The following SPAG11A variants were observed in gnomAD, a reference collection of about 807,000 sequenced individuals.
SPAG11A encodes sperm-associated antigen 11A.
A neutral mutation model predicts 5.5 loss-of-function variants in SPAG11A; 2 were observed. The observed-to-expected ratio is 0.37, with a 90% CI of 0.15 to 1.15. SPAG11A has a LOEUF of 1.15. Ranked by LOEUF, SPAG11A falls within the 50% of genes most tolerant of loss-of-function variation. The pLI is 0.38. For synonymous variants in SPAG11A, 11 were observed against 42.7 expected, an observed-to-expected ratio of 0.26 and a Z score of 2.90; for missense variants, 24 against 122.5, an observed-to-expected ratio of 0.20 and a Z score of 3.80.
At position 7,858,601 on chromosome 8, in the gene SPAG11A, G is replaced by A. The variant is rs1332633695; in HGVS notation, c.215-2045G>A. ...TGTTTTTTTTTTCTTTCAGCATAGC[G>A]TTTGTGAGGTTCATCCACGTTGTTG... On this transcript the variant is annotated intron_variant, in intron 2 of 2. Transcript: ENST00000642566. Among the ~76,000 whole-genome samples, 4 of 89,932 alleles carry A rather than the reference G, an allele frequency of 4.4e-5. 2 individuals carry two copies. Among genetic ancestry groups the A allele is most frequent in the Non-Finnish European group, 1.1e-4 (4 of 35,740 alleles). The allele number at this position is 89,932 out of a possible 152,430, so 59.0% of individuals were successfully genotyped here. A position where few individuals can be genotyped will look rare whatever the true frequency, so the allele number is the denominator to read the frequency against.
intron 2 of SPAG11A, among the ~76,000 whole-genome samples, chr8:7,852,655 C>T (rs1817978555): frequency 6.6e-6 from 1 of 151,800 alleles, no homozygotes; most frequent in Admixed American, 6.6e-5. Flanking sequence ...TATTCTTATC[C>T]ATGTACATGT....
Position 7,858,107 on chromosome 8 carries a change from T to C in SPAG11A, c.215-2539T>C, listed in dbSNP as rs1183171576. Among the ~76,000 whole-genome samples, 213 of 91,116 alleles carry C rather than the reference T, an allele frequency of 2.3e-3. 3 individuals are homozygous for C. The highest frequency in any genetic ancestry group is 6.2e-3 in the African/African-American group (200 of 32,160). 59.8% of individuals were successfully genotyped at this position (91,116 alleles called of 152,430 possible). ...TGCTTCCATACACATGGGACACCTC[T>C]GGAAGGATTAATAAGAAGCTAACAG... On this transcript the variant is annotated intron_variant, in intron 2 of 2. Transcript: ENST00000642566.
chr8:7,860,872 C>G lies in SPAG11A; in HGVS notation c.*39C>G, dbSNP rs1585712562. The stretch of plus-strand genomic sequence containing the variant: ...GGAAGGCAGGGATGTTGAAGTATCC[C>G]AAGGGCTTAAAGGAATGTGTGGCTT... On this transcript the variant is annotated 3_prime_UTR_variant, in exon 3 of 3. Coordinates refer to ENST00000642566, the Ensembl canonical transcript of SPAG11A. 4.1e-6 allele frequency: 5 copies of G among 1,212,768 alleles called. 1 individual carries two copies. The African/African-American group carries it at 4.8e-5, about 12-fold the overall frequency. 75.1% of individuals were successfully genotyped at this position (1,212,768 alleles called of 1,614,324 possible). A position where few individuals can be genotyped will look rare whatever the true frequency, so the allele number is the denominator to read the frequency against.
chr8:7,861,635 A>G (rs1347320966), downstream of SPAG11A, among the ~76,000 whole-genome samples: 5 of 136,284 alleles, frequency 3.7e-5, no homozygotes, highest in African/African-American at 1.3e-4. Flanking sequence ...AGTAGTGAAC[A>G]CCAATTACAA....
intron 2 of SPAG11A, among the ~76,000 whole-genome samples, chr8:7,854,551 C>T (rs1280347602): frequency 1.4e-5 from 2 of 147,486 alleles, no homozygotes; most frequent in Non-Finnish European, 3.0e-5. Flanking sequence ...TTTTTCCTCT[C>T]ATTCTTTGAT....
chr8:7,852,599 C>T (rs1208747825), intron 2 of SPAG11A, among the ~76,000 whole-genome samples: 1 of 152,090 alleles, frequency 6.6e-6, no homozygotes, highest in African/African-American at 2.4e-5. Flanking sequence ...TCCCGAAGTG[C>T]TGGAATTACA....
chr8:7,863,745 G>C (rs1214577613), downstream of SPAG11A: 2 of 727,468 alleles, frequency 2.7e-6, no homozygotes, highest in East Asian at 5.5e-5. Flanking sequence ...TGAGAGACCG[G>C]AGTATGATCC....
downstream of SPAG11A, among the ~76,000 whole-genome samples, chr8:7,861,692 G>C (rs1242623902): frequency 2.3e-5 from 3 of 130,274 alleles, no homozygotes; most frequent in Non-Finnish European, 5.1e-5. Flanking sequence ...GAGAGATAGA[G>C]ACCACATGCC....
chr8:7,859,971 G>T (rs1429339031), intron 2 of SPAG11A, among the ~76,000 whole-genome samples: 9 of 149,444 alleles, frequency 6.0e-5, no homozygotes, highest in African/African-American at 2.0e-4. Context: ...TTTGGAGGTT[G>T]GATGTTGTGC....
chr8:7,862,747 G>C (rs1317232387), downstream of SPAG11A, among the ~76,000 whole-genome samples: 7 of 127,064 alleles, frequency 5.5e-5, no homozygotes, highest in African/African-American at 1.9e-4. Context: ...CGGAAGGGAA[G>C]GGAAGGGAAG....
At position 7,857,928 on chromosome 8, in the gene SPAG11A, T is replaced by C. The variant is rs1585709449; in HGVS notation, c.215-2718T>C. On this transcript the variant is annotated intron_variant, in intron 2 of 2. Coordinates refer to ENST00000642566, the Ensembl canonical transcript of SPAG11A. Reference sequence around the variant, plus strand: ...GGTGAGATATGGTTGTTGAGGCTGGTTAAATAACGCAGAAGACAGCTTGCA... The same window carrying C: ...GGTGAGATATGGTTGTTGAGGCTGGCTAAATAACGCAGAAGACAGCTTGCA... Among the ~76,000 whole-genome samples, 2 of 93,226 alleles carry C rather than the reference T, an allele frequency of 2.1e-5. 1 individual carries two copies. The allele number at this position is 93,226 out of a possible 152,430, so 61.2% of individuals were successfully genotyped here. A position where few individuals can be genotyped will look rare whatever the true frequency, so the allele number is the denominator to read the frequency against.
chr8:7,856,589 G>T (rs2128927825), intron 2 of SPAG11A, among the ~76,000 whole-genome samples: 1 of 29,062 alleles, frequency 3.4e-5, no homozygotes, highest in East Asian at 9.2e-4. Flanking sequence ...ATTTTTAAGT[G>T]TGTTGTTTGT....
chr8:7,861,387 G>A (rs1463890837), downstream of SPAG11A, among the ~76,000 whole-genome samples: 1 of 147,190 alleles, frequency 6.8e-6, no homozygotes, highest in Non-Finnish European at 1.5e-5. Flanking sequence ...TCCATTTTAG[G>A]AATGAAAGAA....
intron 2 of SPAG11A, among the ~76,000 whole-genome samples, chr8:7,856,836 AT>A (rs1386410305): frequency 5.1e-4 from 66 of 130,444 alleles, no homozygotes; most frequent in African/African-American, 1.7e-3. Context: ...TATTAACAAA[AT>A]TAGCCAATAA....
intron 2 of SPAG11A, among the ~76,000 whole-genome samples, chr8:7,852,484 C>T (rs1407462562): frequency 6.6e-6 from 1 of 152,154 alleles, no homozygotes; most frequent in East Asian, 1.9e-4. Flanking sequence ...CAGGTGTCCA[C>T]CACCATGCCT....
At chr8:7,852,563 C>G (rs1817970494) in intron 2 of SPAG11A, among the ~76,000 whole-genome samples, 1 of 149,430 alleles carries the variant, frequency 6.7e-6, no homozygotes, top group Non-Finnish European at 1.5e-5. Context: ...AAACTCCCGA[C>G]CTCAGGTGAT....
intron 2 of SPAG11A, among the ~76,000 whole-genome samples, chr8:7,858,152 G>A (rs1818094585): frequency 1.1e-5 from 1 of 94,074 alleles, no homozygotes; most frequent in African/African-American, 2.9e-5. Context: ...TGAAGCCCAG[G>A]GGGATAGGAG....
chr8:7,859,881 A>G (rs1563460240), intron 2 of SPAG11A, among the ~76,000 whole-genome samples: 2 of 131,550 alleles, frequency 1.5e-5, no homozygotes, highest in Admixed American at 8.0e-5. Flanking sequence ...CTAAAGGTGG[A>G]CCCCCCACCT....
chr8:7,852,377 G>A (rs566579116), intron 2 of SPAG11A, among the ~76,000 whole-genome samples: 896 of 151,456 alleles, frequency 5.9e-3, no homozygotes, highest in African/African-American at 0.021. Flanking sequence ...GCAATGGTGC[G>A]ATTTTGGCTC....
Sources: allele counts gnomAD v4.1 joint callset (sites outside exome capture counted in the v4.1 genomes callset), GRCh38; gene constraint gnomAD v4.1.1; transcripts MANE v1.5; gene names NCBI Gene and HGNC (gene_info 2026-07-23, HGNC 2026-07-21).